Variants in FGF3 observed in about 807,000 individuals in gnomAD.
FGF3 encodes the protein fibroblast growth factor 3, also known as FGF-3.
In FGF3, 7 loss-of-function variants were observed where a neutral mutation model predicts 9.8. That is an observed-to-expected ratio of 0.72 (90% confidence interval 0.41 to 1.35). The LOEUF (loss-of-function observed/expected upper bound fraction) is 1.35, where lower values mean the gene tolerates loss of function less well. FGF3 is among the 40% of genes most tolerant of loss of function. The probability of loss-of-function intolerance (pLI) is 0.01; values close to 1 mark genes in which losing one functional copy is unlikely to be tolerated. For missense variants in FGF3, 390 were observed against 345.6 expected (o/e 1.13, Z -1.02); for synonymous variants, 173 against 157.2 (o/e 1.10, Z -0.75).
chr11:69,810,393 C>G lies in FGF3; in HGVS notation c.632G>C (p.Arg211Pro). ...PPGKGVQPRR[R>P]RQKQSPDNLE... ...GTTATCCGGGCTCTGCTTCTGCCGCCGCCGTCGGGGCTGGACCCCCTTACC... is the reference window on the plus strand; with the variant it reads ...GTTATCCGGGCTCTGCTTCTGCCGCGGCCGTCGGGGCTGGACCCCCTTACC... Residue 211 changes from arginine to proline, a missense_variant, in exon 3 of 3, where the codon CGG becomes CCG. Physicochemically the swap from Arg to Pro is moderately radical, Grantham distance 103. Transcript: ENST00000334134. The G allele has an allele frequency of 6.4e-7, 1 of 1,558,160 alleles. No individual in the cohort carries two copies. The highest frequency in any genetic ancestry group is 8.7e-7 in the Non-Finnish European group (1 of 1,148,428).
intron 2 of FGF3, among the ~76,000 whole-genome samples, chr11:69,812,113 TG>T (rs1262429187): frequency 1.3e-5 from 2 of 151,540 alleles, no homozygotes; most frequent in East Asian, 3.9e-4. Context: ...CCAGAAAGGG[TG>T]GTGGGAGGTG....
Position 69,813,966 on chromosome 11 carries a change from G to T in FGF3, c.324+2354C>A, listed in dbSNP as rs1185576019. Among the ~76,000 whole-genome samples, 4 of 152,068 alleles carry T rather than the reference G, an allele frequency of 2.6e-5. No homozygotes were observed. In the East Asian group the frequency reaches 7.7e-4, roughly 29 times the overall value. On this transcript the variant is annotated intron_variant, in intron 2 of 2. Transcript: ENST00000334134. ...TGGGTGGATGGGTGGATGGGTGGAT[G>T]GGTGAAAGGATGGAAGGAAGGAGGG...
intron 1 of FGF3, among the ~76,000 whole-genome samples, chr11:69,816,951 G>A (rs1370003008): frequency 6.6e-6 from 1 of 152,212 alleles, no homozygotes; most frequent in Admixed American, 6.5e-5. Context: ...CAGCCAGGGT[G>A]CCTGCCACCC....
chr11:69,814,137 A>G (rs1391336678), intron 2 of FGF3, among the ~76,000 whole-genome samples: 1 of 150,762 alleles, frequency 6.6e-6, no homozygotes, highest in Non-Finnish European at 1.5e-5. Context: ...AAGGGGAAAG[A>G]AGGAAGGAAG....
chr11:69,816,492 C>A, intron 1 of FGF3, 69 bp from the exon 2 acceptor site: 1 of 1,236,402 alleles, frequency 8.1e-7, no homozygotes, highest in Non-Finnish European at 1.2e-6. Flanking sequence ...CCAGCTGGCC[C>A]TGCCCAAAGC....
Position 69,810,516 on chromosome 11 carries a change from CG to C in FGF3, c.508del (p.Arg170AlafsTer153). 1 of 1,610,158 alleles carries C rather than the reference CG, an allele frequency of 6.2e-7. No homozygotes were observed. Among genetic ancestry groups the C allele is most frequent in the Non-Finnish European group, 8.5e-7 (1 of 1,178,502 alleles). ...KGRPRRGFKT[R>X]RTQKSSLFLP... ...GAACAGGGAGGACTTCTGTGTGCGG[CG>C]GGTCTTGAAGCCCCTGCGGGGCCGG... On this transcript the variant is annotated frameshift_variant, in exon 3 of 3. Transcript: ENST00000334134. LOFTEE classifies it low-confidence loss of function (END_TRUNC).
chr11:69,816,473 G>T, intron 1 of FGF3, 50 bp from the exon 2 acceptor site: 1 of 1,462,816 alleles, frequency 6.8e-7, no homozygotes, highest in Non-Finnish European at 9.6e-7. Flanking sequence ...CGGAGGGGGC[G>T]GCTGAGGCCC....
chr11:69,810,445 G>A lies in FGF3; in HGVS notation c.580C>T (p.Leu194=), dbSNP rs1554980319. The A allele has an allele frequency of 1.3e-6, 2 of 1,596,102 alleles. No homozygotes were observed. Among genetic ancestry groups the A allele is most frequent in the Non-Finnish European group, 8.5e-7 (1 of 1,171,268 alleles). The change falls in exon 3 of 3, where the codon CTA becomes TTA. Residue 194 remains leucine, a synonymous_variant. Transcript: ENST00000334134. ...DHRDHEMVRQ[L]QSGLPRPPGK... ...GGGGGTCTGGGCAGCCCACTCTGTA[G>A]CTGCCGCACCATCTCGTGGTCCCTG...
At chr11:69,812,271 G>A (rs1303696717) in intron 2 of FGF3, among the ~76,000 whole-genome samples, 2 of 152,098 alleles carry the variant, frequency 1.3e-5, no homozygotes, top group African/African-American at 4.8e-5. Context: ...GCCTCCAGAG[G>A]CTCCCAGACT....
chr11:69,815,341 AATGGGTGG>A (rs782288942), intron 2 of FGF3, among the ~76,000 whole-genome samples: 2 of 123,798 alleles, frequency 1.6e-5, no homozygotes, highest in East Asian at 5.3e-4. Context: ...TGGATGGGTG[AATGGGTGG>A]ATGGGTGGAT....
intron 2 of FGF3, 101 bp from the exon 3 acceptor site, chr11:69,810,801 G>C (rs375531124): frequency 1.8e-6 from 2 of 1,108,202 alleles, no homozygotes; most frequent in South Asian, 1.8e-5. Context: ...GAGGCTGTTC[G>C]GTCCAGTGCC....
At chr11:69,815,522 G>C (rs957698706) in intron 2 of FGF3, among the ~76,000 whole-genome samples, 16 of 152,220 alleles carry the variant, frequency 1.1e-4, no homozygotes, top group Admixed American at 3.9e-4. Flanking sequence ...TCTGTGAGCA[G>C]GACTGAGCAG....
chr11:69,814,793 G>A (rs1314501368), intron 2 of FGF3, among the ~76,000 whole-genome samples: 1 of 152,196 alleles, frequency 6.6e-6, no homozygotes, highest in Non-Finnish European at 1.5e-5. Flanking sequence ...GTGGGGCTAG[G>A]AGCCTCTGTC....
chr11:69,810,608 A>C lies in FGF3; in HGVS notation c.417T>G (p.Ser139Arg). 1 of 1,610,594 alleles carries C rather than the reference A, an allele frequency of 6.2e-7. No homozygotes were observed. Among genetic ancestry groups the C allele is most frequent in the Non-Finnish European group, 8.5e-7 (1 of 1,178,226 alleles). The change falls in exon 3 of 3, where the codon AGT becomes AGG. Residue 139 changes from serine (S) to arginine (R), a missense_variant. Physicochemically the swap from Ser to Arg is moderately radical, Grantham distance 110. Coordinates refer to ENST00000334134, the MANE Select transcript of FGF3 (RefSeq NM_005247.4). ...YASRLYRTVS[S>R]TPGARRQPSA... ...TGGGCTGCCGGCGGGCCCCAGGCGT[A>C]CTAGACACCGTCCGGTACAGCCGGG...
At chr11:69,817,852 C>T (rs1198801302) in intron 1 of FGF3, among the ~76,000 whole-genome samples, 1 of 152,212 alleles carries the variant, frequency 6.6e-6, no homozygotes, top group Non-Finnish European at 1.5e-5. Flanking sequence ...GGGCTCGGCG[C>T]GGGCCTCAGG....
chr11:69,812,946 C>A (rs1278015014), intron 2 of FGF3, among the ~76,000 whole-genome samples: 1 of 147,864 alleles, frequency 6.8e-6, no homozygotes, highest in Non-Finnish European at 1.5e-5. Flanking sequence ...TGGTAGGGCA[C>A]CTGGGGTGGC....
intron 1 of FGF3, among the ~76,000 whole-genome samples, chr11:69,818,024 G>T (rs1180830792): frequency 1.3e-5 from 2 of 152,206 alleles, no homozygotes; most frequent in Non-Finnish European, 2.9e-5. Context: ...TCCCGACGGC[G>T]AGGGCCTCCA....
rs1554981435 is a variant in FGF3, at chr11:69,818,884, G to A, written c.50C>T (p.Pro17Leu). ...CAACCGCGCCCCAGGGCCCGCTGCG[G>A]GCCAGCCGGGCTCCAGCAGGCTGAG... ...LLLSLLEPGWPAAGPGARLRR... is the reference protein window; with the variant it reads ...LLLSLLEPGWLAAGPGARLRR... Residue 17 changes from proline (P) to leucine (L), a missense_variant, in exon 1 of 3, where the codon CCC becomes CTC. By Grantham distance (98) the Pro-to-Leu change is moderately conservative. Coordinates refer to ENST00000334134, the MANE Select transcript of FGF3 (RefSeq NM_005247.4). 8 of 1,464,466 alleles carry A rather than the reference G, an allele frequency of 5.5e-6. No individual in the cohort carries two copies. The South Asian group carries it at 7.8e-5, about 14-fold the overall frequency. The allele number at this position is 1,464,466 out of a possible 1,614,324, so 90.7% of individuals were successfully genotyped here.
At position 69,819,086 on chromosome 11, in the gene FGF3, G is replaced by C. The variant is rs556894515; in HGVS notation, c.-153C>G. On this transcript the variant is annotated 5_prime_UTR_variant, in exon 1 of 3. Coordinates refer to ENST00000334134, the MANE Select transcript of FGF3 (RefSeq NM_005247.4). ...CTTCGCGGGAAAGGTGGGGGAAGAA[G>C]GGGGAAGGGTGGGCGAGAGAGAGAA... The C allele has an allele frequency of 4.9e-5, 23 of 469,122 alleles. No individual in the cohort carries two copies. The East Asian group carries it at 5.4e-4, about 11-fold the overall frequency. The allele number at this position is 469,122 out of a possible 1,614,324, so 29.1% of individuals were successfully genotyped here.
Sources: allele counts gnomAD v4.1 joint callset (sites outside exome capture counted in the v4.1 genomes callset), GRCh38; gene constraint gnomAD v4.1.1; transcripts MANE v1.5; gene names NCBI Gene and HGNC (gene_info 2026-07-23, HGNC 2026-07-21).